Variants in PALLD observed in about 807,000 individuals in gnomAD.
PALLD encodes the protein palladin.
PALLD carries 61 observed loss-of-function variants against 123.5 expected under a neutral mutation model. The observed-to-expected ratio is 0.49, with a 90% confidence interval of 0.40 to 0.61. The LOEUF (loss-of-function observed/expected upper bound fraction) is 0.61. PALLD is among the 20% of genes least tolerant of loss of function. PALLD has a pLI of 0.00. For synonymous variants in PALLD, 465 were observed against 496.4 expected (o/e 0.94, Z 0.84); for missense variants, 1,273 against 1,377.0 (o/e 0.92, Z 1.20).
chr4:168,758,774 C>G (rs530895389), intron 10 of PALLD, among the ~76,000 whole-genome samples: 1 of 151,974 alleles, frequency 6.6e-6, no homozygotes, highest in African/African-American at 2.4e-5. Context: ...CCACATCCCC[C>G]ACTTGTGCAT....
At chr4:168,626,480 C>T (rs760644645) in intron 2 of PALLD, among the ~76,000 whole-genome samples, 1 of 149,642 alleles carries the variant, frequency 6.7e-6, no homozygotes, top group African/African-American at 2.5e-5. Context: ...GAGGCAGAGG[C>T]GGGTGGATTG....
At chr4:168,864,300 T>C (rs1749943774) in intron 10 of PALLD, 3 of 152,236 alleles carry the variant, frequency 2.0e-5, no homozygotes, top group Admixed American at 2.0e-4. Flanking sequence ...TGTTTATCTG[T>C]ATTCTTGTTA....
intron 2 of PALLD, among the ~76,000 whole-genome samples, chr4:168,644,354 G>T (rs1777237812): frequency 6.6e-6 from 1 of 152,116 alleles, no homozygotes; most frequent in Admixed American, 6.5e-5. Context: ...CACCCAATGT[G>T]CTGGGATTAC....
At chr4:168,783,520 T>G (rs1380665364) in intron 10 of PALLD, among the ~76,000 whole-genome samples, 1 of 151,840 alleles carries the variant, frequency 6.6e-6, no homozygotes, top group Non-Finnish European at 1.5e-5. Context: ...GATTATACAA[T>G]CAGAGAAAAC....
intron 10 of PALLD, among the ~76,000 whole-genome samples, chr4:168,729,587 C>T (rs1039316456): frequency 3.9e-5 from 6 of 152,170 alleles, no homozygotes; most frequent in African/African-American, 9.7e-5. Flanking sequence ...GACTACTGCT[C>T]CCTAGGATCA....
chr4:168,902,661 A>C (rs1756786974), intron 14 of PALLD, among the ~76,000 whole-genome samples: 1 of 152,172 alleles, frequency 6.6e-6, no homozygotes, highest in African/African-American at 2.4e-5. Flanking sequence ...AAACAAAACA[A>C]AACCTTAGAA....
At chr4:168,632,152 C>G (rs1775891445) in intron 2 of PALLD, among the ~76,000 whole-genome samples, 1 of 150,572 alleles carries the variant, frequency 6.6e-6, no homozygotes. Flanking sequence ...GGGAGAAAGG[C>G]GTGAGGTTGA....
Position 168,511,658 on chromosome 4 carries a change from G to C in PALLD, c.154G>C (p.Asp52His). The change falls in exon 2 of 22, where the codon GAC becomes CAC. Residue 52 changes from aspartate (D) to histidine (H), a missense_variant. Asp to His is a moderately conservative substitution (Grantham distance 81). This residue lies in a region of PALLD where 944 missense variants were observed against 954.5 expected (regional missense o/e 0.99). Transcript: ENST00000505667. ...SLDLARRAIA[D>H]SETEDFDSEK... ...TGACCTGGCCCGGAGAGCCATAGCC[G>C]ACTCCGAAACAGAAGATTTTGACTC... 1 of 1,614,150 alleles carries C rather than the reference G, an allele frequency of 6.2e-7. No homozygotes were observed. The highest frequency in any genetic ancestry group is 8.5e-7 in the Non-Finnish European group (1 of 1,180,028).
chr4:168,712,605 A>G (rs1429256506), intron 10 of PALLD, among the ~76,000 whole-genome samples: 1 of 152,206 alleles, frequency 6.6e-6, no homozygotes, highest in Non-Finnish European at 1.5e-5. Context: ...TGGAGCCATT[A>G]CAATGTCAGA....
intron 2 of PALLD, among the ~76,000 whole-genome samples, chr4:168,628,823 C>T (rs1775547914): frequency 6.6e-6 from 1 of 152,104 alleles, no homozygotes; most frequent in Admixed American, 6.6e-5. Context: ...TGCCAAGGGA[C>T]AGAAAGTTTT....
At position 168,671,026 on chromosome 4, in the gene PALLD, GA is replaced by G. The variant is rs10686554; in HGVS notation, c.1087+2668del. On this transcript the variant is annotated intron_variant, in intron 3 of 21. Coordinates refer to ENST00000505667, the MANE Select transcript of PALLD (RefSeq NM_001166108.2). ...GAGCGAGGCTCAGTCTCAAAAAAAAGAAAAAAAAAATGTAAAATGATAAAGT... is the reference window on the plus strand; with the variant it reads ...GAGCGAGGCTCAGTCTCAAAAAAAAGAAAAAAAAATGTAAAATGATAAAGT... 5.1e-3 allele frequency among the ~76,000 whole-genome samples: 760 copies of G among 148,620 alleles called. 5 individuals are homozygous for G. The highest frequency in any genetic ancestry group is 0.018 in the African/African-American group (733 of 40,736).
chr4:168,804,956 C>G (rs1393702152), intron 10 of PALLD, among the ~76,000 whole-genome samples: 1 of 151,974 alleles, frequency 6.6e-6, no homozygotes, highest in Non-Finnish European at 1.5e-5. Context: ...GTCAGGAGTT[C>G]AAGACCAGCC....
chr4:168,784,507 A>T (rs1736406259), intron 10 of PALLD, among the ~76,000 whole-genome samples: 1 of 152,218 alleles, frequency 6.6e-6, no homozygotes, highest in South Asian at 2.1e-4. Context: ...AAGTGGAGAC[A>T]GCCTGAAGGC....
intron 15 of PALLD, 24 bp from the exon 16 acceptor site, chr4:168,913,903 A>C: frequency 6.8e-7 from 1 of 1,481,012 alleles, no homozygotes; most frequent in Non-Finnish European, 9.4e-7. Flanking sequence ...ATAGCAAATC[A>C]TTTATTTCCT....
chr4:168,535,801 C>A (rs1432797848), intron 2 of PALLD, among the ~76,000 whole-genome samples: 1 of 152,128 alleles, frequency 6.6e-6, no homozygotes, highest in Admixed American at 6.5e-5. Flanking sequence ...AATATCTGAC[C>A]AAGAGTCCTC....
At chr4:168,671,889 G>A (rs962154086) in intron 3 of PALLD, among the ~76,000 whole-genome samples, 1 of 152,158 alleles carries the variant, frequency 6.6e-6, no homozygotes, top group African/African-American at 2.4e-5. Flanking sequence ...TAAAATCTCA[G>A]CAAAGCCATC....
chr4:168,788,439 TA>T (rs1280510507), intron 10 of PALLD, among the ~76,000 whole-genome samples: 1 of 152,104 alleles, frequency 6.6e-6, no homozygotes, highest in African/African-American at 2.4e-5. Context: ...ATAGAGTCAG[TA>T]AAAGGATCAG....
At chr4:168,754,530 T>A (rs985994538) in intron 10 of PALLD, among the ~76,000 whole-genome samples, 12 of 152,214 alleles carry the variant, frequency 7.9e-5, no homozygotes, top group African/African-American at 2.9e-4. Context: ...TGTTACATTA[T>A]GCTGACTATT....
chr4:168,685,525 C>A lies in PALLD; in HGVS notation c.1301C>A (p.Thr434Asn). 6.2e-7 allele frequency: 1 copy of A among 1,612,560 alleles called. No homozygotes were observed. The highest frequency in any genetic ancestry group is 1.1e-5 in the South Asian group (1 of 91,054). Residue 434 changes from threonine to asparagine, a missense_variant, in exon 6 of 22, where the codon ACC (threonine) becomes AAC (asparagine). Around this residue, in one of 2 missense-constraint regions of PALLD, gnomAD observed 944 missense variants for 954.5 expected, o/e 0.99. Transcript: ENST00000505667. ...TCATATCTCTGCCGACCTGATGGAACCACTACTGCCTACTTTCCTCCTGTT... is the reference window on the plus strand; with the variant it reads ...TCATATCTCTGCCGACCTGATGGAAACACTACTGCCTACTTTCCTCCTGTT... ...PTSYLCRPDGTTTAYFPPVFT... is the reference protein window; with the variant it reads ...PTSYLCRPDGNTTAYFPPVFT...
Sources: allele counts gnomAD v4.1 joint callset (sites outside exome capture counted in the v4.1 genomes callset), GRCh38; gene constraint gnomAD v4.1.1; regional missense constraint gnomAD v4.1.1; transcripts MANE v1.5; gene names NCBI Gene and HGNC (gene_info 2026-07-23, HGNC 2026-07-21).